FBXO10: variants seen among roughly 807,000 people sequenced by gnomAD.
The protein encoded by FBXO10 is F-box protein 10, also known as F-box only protein 10.
In FBXO10, 39 loss-of-function variants were observed where a neutral mutation model predicts 80.7. That is an observed-to-expected ratio of 0.48 (90% CI 0.37 to 0.63). The LOEUF (loss-of-function observed/expected upper bound fraction) is 0.63, where lower values mean the gene tolerates loss of function less well. Among genes scored for constraint, FBXO10 ranks in the 30% least tolerant of loss-of-function variants. FBXO10 has a pLI of 0.00. For missense variants in FBXO10, 1,025 were observed against 1,269.0 expected (o/e 0.81, Z 2.92); for synonymous variants, 449 against 489.6 (o/e 0.92, Z 1.09).
At chr9:37,527,433 G>A (rs925627775) in intron 5 of FBXO10, among the ~76,000 whole-genome samples, 3 of 152,124 alleles carry the variant, frequency 2.0e-5, no homozygotes, top group Admixed American at 1.3e-4. Flanking sequence ...CTGGTATCTC[G>A]TGTCCAAACA....
Sources: allele counts gnomAD v4.1 joint callset (sites outside exome capture counted in the v4.1 genomes callset), GRCh38; gene constraint gnomAD v4.1.1; transcripts MANE v1.5; gene names NCBI Gene and HGNC (gene_info 2026-07-23, HGNC 2026-07-21).